The following ZDHHC18 variants were observed in gnomAD, a reference collection of about 807,000 sequenced individuals.
The protein encoded by ZDHHC18 is palmitoyltransferase ZDHHC18.
In ZDHHC18, 23 loss-of-function variants were observed where a neutral mutation model predicts 37.5. That is an observed-to-expected ratio of 0.61 (90% CI 0.44 to 0.87). The LOEUF (loss-of-function observed/expected upper bound fraction) is 0.87. ZDHHC18 is among the 40% of genes least tolerant of loss of function. The pLI is 0.00. For synonymous variants in ZDHHC18, 185 were observed against 218.7 expected, an observed-to-expected ratio of 0.85 and a Z score of 1.36; for missense variants, 406 against 525.6, an observed-to-expected ratio of 0.77 and a Z score of 2.22.
Position 26,842,319 on chromosome 1 carries a change from T to C in ZDHHC18, c.497-6289T>C, listed in dbSNP as rs150132093. On this transcript the variant is annotated intron_variant, in intron 2 of 7. Transcript: ENST00000374142. ...TAGCTCACACTTGCTAACCATTTGC[T>C]TTGTGCCATTTCACATATATTGATT... is the stretch of plus-strand genomic sequence containing the variant. Among the ~76,000 whole-genome samples the C allele has an allele frequency of 1.4e-3, 206 of 152,340 alleles. 2 individuals carry two copies. The highest frequency in any genetic ancestry group is 4.6e-3 in the African/African-American group (191 of 41,578).
intron 6 of ZDHHC18, 116 bp downstream of exon 6, chr1:26,851,347 C>A (rs1464877889): frequency 2.0e-6 from 2 of 995,078 alleles, no homozygotes; most frequent in African/African-American, 1.6e-5. Context: ...TGGGATAATG[C>A]CTTTTAAGCA....
chr1:26,835,417 C>T (rs2081606963), intron 2 of ZDHHC18, among the ~76,000 whole-genome samples: 1 of 152,100 alleles, frequency 6.6e-6, no homozygotes, highest in Admixed American at 6.6e-5. Flanking sequence ...AAACATATTT[C>T]CCAGGGCTGG....
intron 1 of ZDHHC18, 110 bp downstream of exon 1, chr1:26,827,249 C>G (rs1258420906): frequency 1.1e-6 from 1 of 937,230 alleles, no homozygotes; most frequent in African/African-American, 1.7e-5. Context: ...GGTCCTCATC[C>G]TCCCCGCCCC....
chr1:26,832,061 T>C (rs2124247603), intron 1 of ZDHHC18: 1 of 169,082 alleles, frequency 5.9e-6, no homozygotes, highest in East Asian at 1.7e-4. Context: ...TCAGTAAATA[T>C]TTGTGGACTG....
intron 1 of ZDHHC18, among the ~76,000 whole-genome samples, chr1:26,830,101 G>A (rs911158327): frequency 4.6e-5 from 7 of 152,220 alleles, no homozygotes; most frequent in Admixed American, 3.3e-4. Context: ...GGGCTTCTCT[G>A]AAGGCCAGAG....
intron 2 of ZDHHC18, among the ~76,000 whole-genome samples, chr1:26,838,855 A>G (rs2081625290): frequency 6.6e-6 from 1 of 152,272 alleles, no homozygotes; most frequent in Non-Finnish European, 1.5e-5. Context: ...TGAAGGCCCC[A>G]TGAACCCCAG....
intron 2 of ZDHHC18, among the ~76,000 whole-genome samples, chr1:26,841,584 T>C (rs192073278): frequency 2.6e-5 from 4 of 152,084 alleles, no homozygotes; most frequent in Admixed American, 2.6e-4. Context: ...AAGCAGTGAG[T>C]GGGGAGCCAA....
chr1:26,834,403 A>T (rs1372458363), intron 2 of ZDHHC18, among the ~76,000 whole-genome samples: 3 of 152,222 alleles, frequency 2.0e-5, no homozygotes, highest in South Asian at 2.1e-4. Flanking sequence ...GCAGAGACAG[A>T]GTGTGTGCCT....
intron 1 of ZDHHC18, among the ~76,000 whole-genome samples, chr1:26,829,745 A>C (rs1433791964): frequency 6.6e-6 from 1 of 151,538 alleles, no homozygotes; most frequent in Non-Finnish European, 1.5e-5. Context: ...AGTGTATTTG[A>C]ATTAATTGAC....
intron 1 of ZDHHC18, among the ~76,000 whole-genome samples, chr1:26,828,385 C>T (rs1178800878): frequency 1.3e-5 from 2 of 152,044 alleles, no homozygotes. Flanking sequence ...CCCCAGTTTC[C>T]TCATCAGTAA....
intron 3 of ZDHHC18, among the ~76,000 whole-genome samples, chr1:26,849,819 T>G (rs1035763971): frequency 4.6e-5 from 7 of 152,178 alleles, no homozygotes; most frequent in Non-Finnish European, 7.3e-5. Flanking sequence ...TGACAAGTAT[T>G]TTTGTGAGTC....
At position 26,846,695 on chromosome 1, in the gene ZDHHC18, A is replaced by G. The variant is rs571115412; in HGVS notation, c.497-1913A>G. On this transcript the variant is annotated intron_variant, in intron 2 of 7. Transcript: ENST00000374142. Reference sequence around the variant, plus strand: ...ATTATAGTACAACTAATTCCTGTACATTCACCATCTAGATTGAATAGTAGT... The same window carrying G: ...ATTATAGTACAACTAATTCCTGTACGTTCACCATCTAGATTGAATAGTAGT... Among the ~76,000 whole-genome samples, 4 of 152,246 alleles carry G rather than the reference A, an allele frequency of 2.6e-5. No individual in the cohort carries two copies. The East Asian group carries it at 7.7e-4, about 29-fold the overall frequency.
At position 26,850,160 on chromosome 1, in the gene ZDHHC18, G is replaced by C; in HGVS notation, c.647-141G>C. The C allele has an allele frequency of 1.0e-6, 1 of 985,116 alleles. No homozygotes were observed. The highest frequency in any genetic ancestry group is 1.5e-6 in the Non-Finnish European group (1 of 668,708). The allele number at this position is 985,116 out of a possible 1,614,324, so 61.0% of individuals were successfully genotyped here. On this transcript the variant is annotated intron_variant, in intron 3 of 7. Transcript: ENST00000374142. The surrounding 1 kb of genome is among the most constrained non-coding windows in gnomAD (Gnocchi z 6.1). ...ACTGGTACACAAAGGACCAGAGGCA[G>C]GTGTGTCCAAGGCCTGGGAGCCAGC...
In ZDHHC18 at chr1:26,852,876, G is replaced by C. The variant is rs148310742; in HGVS notation, c.1049+11G>C. On this transcript the variant is annotated intron_variant, in intron 7 of 7. Transcript: ENST00000374142. Reference sequence around the variant, plus strand: ...CCCCCTACCTCCCAGGTAAGTGAGCGGGGTGCGGAAGAGGGGTAACAGGGC... The same window carrying C: ...CCCCCTACCTCCCAGGTAAGTGAGCCGGGTGCGGAAGAGGGGTAACAGGGC... 5.6e-6 allele frequency: 9 copies of C among 1,612,962 alleles called. No individual in the cohort carries two copies. The highest frequency in any genetic ancestry group is 5.9e-6 in the Non-Finnish European group (7 of 1,179,166).
intron 1 of ZDHHC18, among the ~76,000 whole-genome samples, chr1:26,831,151 A>G (rs1177942296): frequency 5.9e-5 from 9 of 152,232 alleles, no homozygotes; most frequent in Admixed American, 5.9e-4. Context: ...ACTAAATGTT[A>G]TACAGGAAAG....
chr1:26,852,995 T>TAG, intron 7 of ZDHHC18, 130 bp downstream of exon 7: 1 of 704,114 alleles, frequency 1.4e-6, no homozygotes, highest in Non-Finnish European at 2.3e-6. Context: ...GGAGGGCATT[T>TAG]GTCATGTGAC....
chr1:26,832,589 G>T lies in ZDHHC18; in HGVS notation c.478G>T (p.Ala160Ser). The T allele has an allele frequency of 6.2e-7, 1 of 1,614,124 alleles. No individual in the cohort carries two copies. The highest frequency in any genetic ancestry group is 8.5e-7 in the Non-Finnish European group (1 of 1,179,982). ...CCGGGCCACTGTCTGTGAAGCAGCC[G>T]CCCTGGAGAAACAGATCGGTGAGGT... is the stretch of plus-strand genomic sequence containing the variant. ...LPRATVCEAA[A>S]LEKQIDNTGS... Residue 160 changes from alanine to serine, a missense_variant, in exon 2 of 8, where the codon GCC becomes TCC. By Grantham distance (99) the Ala-to-Ser change is moderately conservative. Transcript: ENST00000374142.
At chr1:26,849,082 T>G (rs1431786174) in intron 3 of ZDHHC18, among the ~76,000 whole-genome samples, 1 of 152,206 alleles carries the variant, frequency 6.6e-6, no homozygotes, top group Non-Finnish European at 1.5e-5. Flanking sequence ...GGAAACAGAC[T>G]GGAACAATAA....
In ZDHHC18 at chr1:26,856,072, A is replaced by G. The variant is rs966144285; in HGVS notation, c.*2229A>G. 7.6e-6 allele frequency: 3 copies of G among 395,828 alleles called. No individual in the cohort carries two copies. The highest frequency in any genetic ancestry group is 6.1e-5 in the African/African-American group (3 of 48,882). 24.5% of individuals were successfully genotyped at this position (395,828 alleles called of 1,614,324 possible). ...GCCCAGCTAAGAAAATGTTTGAGAC[A>G]GTAGATTCCAGTTTGAGAGCCGGAG... On this transcript the variant is annotated 3_prime_UTR_variant, in exon 8 of 8. Transcript: ENST00000374142. This position sits in a 1 kb window ranked among gnomAD's most constrained non-coding sequence, Gnocchi z 5.2.
Sources: gnomAD v4.1 joint callset for allele counts (sites outside exome capture counted in the v4.1 genomes callset) on GRCh38, gnomAD v4.1.1 for gene constraint, Gnocchi (gnomAD v3.1) non-coding constraint, MANE v1.5 for transcripts, NCBI Gene and HGNC (gene_info 2026-07-23, HGNC 2026-07-21) for gene names.